Variants in MAGI2 observed in about 807,000 individuals in gnomAD.
MAGI2 encodes the protein membrane associated guanylate kinase, WW and PDZ domain containing 2.
Under a neutral mutation model 133.3 loss-of-function variants are expected in MAGI2, and 35 were observed. The ratio of observed to expected loss-of-function variants is 0.26; its 90% CI spans 0.20 to 0.35. MAGI2 has a LOEUF of 0.35. Among genes scored for constraint, MAGI2 ranks in the 10% least tolerant of loss-of-function variants. MAGI2 has a pLI of 1.00. For missense variants in MAGI2, 1,636 were observed against 1,863.4 expected, an observed-to-expected ratio of 0.88 and a Z score of 2.25; for synonymous variants, 729 against 710.6, an observed-to-expected ratio of 1.03 and a Z score of -0.41.
At chr7:78,397,023 C>A (rs1423220188) in intron 6 of MAGI2, among the ~76,000 whole-genome samples, 1 of 152,022 alleles carries the variant, frequency 6.6e-6, no homozygotes, top group Non-Finnish European at 1.5e-5. Flanking sequence ...ATCCCAGACC[C>A]TGATAACTCT....
intron 5 of MAGI2, among the ~76,000 whole-genome samples, chr7:78,497,521 T>C (rs1176662178): frequency 6.6e-6 from 1 of 152,110 alleles, no homozygotes; most frequent in East Asian, 1.9e-4. Flanking sequence ...AATTCAGAAC[T>C]TCTAAAGGAC....
intron 6 of MAGI2, among the ~76,000 whole-genome samples, chr7:78,444,817 T>C (rs991300579): frequency 2.0e-5 from 3 of 149,412 alleles, no homozygotes; most frequent in African/African-American, 7.3e-5. Context: ...CATACAAATA[T>C]GTACTTATAT....
In MAGI2 at chr7:78,136,738, T is replaced by C. The variant is rs527331517; in HGVS notation, c.2846-1532A>G. Among the ~76,000 whole-genome samples, 4 of 152,340 alleles carry C rather than the reference T, an allele frequency of 2.6e-5. No homozygotes were observed. In the East Asian group the frequency reaches 7.7e-4, roughly 29 times the overall value. On this transcript the variant is annotated intron_variant, in intron 16 of 21. Coordinates refer to ENST00000354212, the MANE Select transcript of MAGI2 (RefSeq NM_012301.4). ...AAATATGCAAAAACACAACCCACCA[T>C]TCAGTATGTTTCAGGGATGTCTAGT... is the stretch of plus-strand genomic sequence containing the variant.
At chr7:78,882,120 C>CA (rs369350656) in intron 2 of MAGI2, among the ~76,000 whole-genome samples, 2,165 of 59,028 alleles carry the variant, frequency 0.037, 93 homozygotes, top group African/African-American at 0.12. Flanking sequence ...AAAAGAAAAA[C>CA]AAAAAAAAAA....
intron 9 of MAGI2, among the ~76,000 whole-genome samples, chr7:78,308,158 G>C (rs548278099): frequency 3.9e-5 from 6 of 152,190 alleles, no homozygotes; most frequent in Admixed American, 2.0e-4. Flanking sequence ...CAGTGCCAGT[G>C]CCATTCTAAT....
chr7:78,688,097 A>T (rs914259705), intron 2 of MAGI2, among the ~76,000 whole-genome samples: 1 of 152,044 alleles, frequency 6.6e-6, no homozygotes, highest in Non-Finnish European at 1.5e-5. Context: ...CACATTTAGC[A>T]TATTAAAGAG....
intron 9 of MAGI2, among the ~76,000 whole-genome samples, chr7:78,320,751 T>A (rs554913025): frequency 3.9e-4 from 59 of 152,250 alleles, no homozygotes; most frequent in African/African-American, 1.3e-3. Context: ...TTATTCAACA[T>A]AGTACTGGAA....
chr7:79,191,378 CT>C (rs1477423784), intron 1 of MAGI2, among the ~76,000 whole-genome samples: 2 of 52,798 alleles, frequency 3.8e-5, no homozygotes, highest in Admixed American at 3.6e-4. Flanking sequence ...AGCATTTCTT[CT>C]TTTTTTCTTT....
chr7:78,528,696 G>A (rs1030363053), intron 3 of MAGI2, among the ~76,000 whole-genome samples: 1 of 151,922 alleles, frequency 6.6e-6, no homozygotes, highest in African/African-American at 2.4e-5. Flanking sequence ...CAGCTCTGAT[G>A]CTTACATTTG....
At chr7:78,410,205 G>A (rs928982224) in intron 6 of MAGI2, among the ~76,000 whole-genome samples, 5 of 152,020 alleles carry the variant, frequency 3.3e-5, no homozygotes, top group African/African-American at 4.8e-5. Context: ...AGTAAAATAG[G>A]TATTGAAATA....
chr7:78,263,972 C>G (rs148003049), intron 9 of MAGI2, among the ~76,000 whole-genome samples: 101 of 152,240 alleles, frequency 6.6e-4, no homozygotes, highest in African/African-American at 2.4e-3. Flanking sequence ...TCCCCACTAA[C>G]AAGCTGCTCG....
intron 3 of MAGI2, among the ~76,000 whole-genome samples, chr7:78,576,172 C>A (rs991403180): frequency 6.6e-6 from 1 of 151,648 alleles, no homozygotes; most frequent in South Asian, 2.1e-4. Context: ...AAAACAACAA[C>A]AACAAACCTC....
At chr7:78,592,878 A>G (rs1241615572) in intron 3 of MAGI2, among the ~76,000 whole-genome samples, 3 of 125,702 alleles carry the variant, frequency 2.4e-5, no homozygotes, top group Non-Finnish European at 4.7e-5. Context: ...TCTGTTGCCC[A>G]GGCTGGAGGG....
chr7:78,731,633 T>C (rs966896454), intron 2 of MAGI2, among the ~76,000 whole-genome samples: 21 of 152,124 alleles, frequency 1.4e-4, no homozygotes, highest in Non-Finnish European at 2.6e-4. Flanking sequence ...AAGTCACACA[T>C]TTCCTAGCTT....
At chr7:78,128,838 C>A (rs575565133) in intron 18 of MAGI2, among the ~76,000 whole-genome samples, 2 of 152,134 alleles carry the variant, frequency 1.3e-5, no homozygotes, top group African/African-American at 4.8e-5. Flanking sequence ...TGCATAATTT[C>A]GGCCTTGCTT....
rs187704909 is a variant in MAGI2, at chr7:78,212,481, C to T, written c.2048-11288G>A. On this transcript the variant is annotated intron_variant, in intron 10 of 21. Coordinates refer to ENST00000354212, the MANE Select transcript of MAGI2 (RefSeq NM_012301.4). The stretch of plus-strand genomic sequence containing the variant: ...CCTGAAGATACGGGAAGGGTGTCAC[C>T]GGCTATGGGGTGCTGGAGGCCTCTG... Among the ~76,000 whole-genome samples the T allele has an allele frequency of 1.5e-3, 228 of 152,256 alleles. 3 individuals carry two copies. The South Asian group carries it at 0.023, about 16-fold the overall frequency.
At chr7:78,231,466 C>T (rs568669025) in intron 10 of MAGI2, among the ~76,000 whole-genome samples, 75 of 152,282 alleles carry the variant, frequency 4.9e-4, no homozygotes, top group African/African-American at 1.5e-3. Flanking sequence ...ACAGCTTCAA[C>T]GAAAAACAAA....
chr7:78,858,805 T>A (rs1462276967), intron 2 of MAGI2, among the ~76,000 whole-genome samples: 1 of 152,196 alleles, frequency 6.6e-6, no homozygotes, highest in Admixed American at 6.5e-5. Flanking sequence ...TAACTTTCTG[T>A]CTCGTTGATC....
chr7:78,536,182 G>C (rs1023682569), intron 3 of MAGI2, among the ~76,000 whole-genome samples: 1 of 123,868 alleles, frequency 8.1e-6, no homozygotes, highest in Admixed American at 1.1e-4. Context: ...GCGGGATCTC[G>C]GCTCACTGCA....
Sources: allele counts gnomAD v4.1 joint callset (sites outside exome capture counted in the v4.1 genomes callset), GRCh38; gene constraint gnomAD v4.1.1; transcripts MANE v1.5; gene names NCBI Gene and HGNC (gene_info 2026-07-23, HGNC 2026-07-21).